Variants in ETS1 observed in about 807,000 individuals in gnomAD.
ETS1 encodes protein C-ets-1.
A neutral mutation model predicts 58.6 loss-of-function variants in ETS1; 15 were observed. The observed-to-expected ratio is 0.26, with a 90% CI of 0.17 to 0.39. ETS1 has a LOEUF of 0.39. Among genes scored for constraint, ETS1 ranks in the 10% least tolerant of loss-of-function variants. ETS1 has a pLI of 1.00. For synonymous variants in ETS1, 214 were observed against 218.2 expected (o/e 0.98, Z 0.17); for missense variants, 417 against 610.5 (o/e 0.68, Z 3.34).
chr11:128,485,470 C>T (rs192193558), intron 6 of ETS1, among the ~76,000 whole-genome samples: 35 of 152,250 alleles, frequency 2.3e-4, no homozygotes, highest in Non-Finnish European at 4.6e-4. Context: ...AAAATAAAAC[C>T]TGTTTCATAT....
At chr11:128,492,727 CA>C (rs1399821360) in intron 3 of ETS1, among the ~76,000 whole-genome samples, 2 of 152,088 alleles carry the variant, frequency 1.3e-5, no homozygotes, top group Non-Finnish European at 2.9e-5. Flanking sequence ...CATCCATCCC[CA>C]CTCTACACCT....
At chr11:128,493,560 G>C (rs907987631) in intron 3 of ETS1, among the ~76,000 whole-genome samples, 2 of 152,232 alleles carry the variant, frequency 1.3e-5, no homozygotes, top group African/African-American at 4.8e-5. Flanking sequence ...TCACATCCCA[G>C]CTGGGGGAAA....
chr11:128,523,852 G>T (rs1401048582), intron 3 of ETS1, among the ~76,000 whole-genome samples: 1 of 152,058 alleles, frequency 6.6e-6, no homozygotes, highest in Non-Finnish European at 1.5e-5. Context: ...GACCCTTCTG[G>T]TCCTGGGAAA....
intron 3 of ETS1, among the ~76,000 whole-genome samples, chr11:128,491,187 G>A (rs1862789511): frequency 6.6e-6 from 1 of 151,870 alleles, no homozygotes; most frequent in Non-Finnish European, 1.5e-5. Context: ...CATACTTTCA[G>A]TTACCTATGA....
intron 3 of ETS1, among the ~76,000 whole-genome samples, chr11:128,552,198 A>G (rs1172604092): frequency 6.6e-6 from 1 of 152,156 alleles, no homozygotes; most frequent in Non-Finnish European, 1.5e-5. Context: ...CACAGTTATA[A>G]CGGAAGAGCT....
chr11:128,523,116 G>T (rs1156353157), intron 3 of ETS1, among the ~76,000 whole-genome samples: 2 of 152,152 alleles, frequency 1.3e-5, no homozygotes, highest in African/African-American at 2.4e-5. Flanking sequence ...CCAAAGCTTT[G>T]TCTTTCCTTT....
intron 8 of ETS1, among the ~76,000 whole-genome samples, chr11:128,465,667 A>T (rs1481612487): frequency 6.6e-6 from 1 of 152,182 alleles, no homozygotes; most frequent in African/African-American, 2.4e-5. Context: ...TTCTATCCCA[A>T]AGCTATGTAA....
chr11:128,480,821 T>C (rs1042537032), intron 7 of ETS1, among the ~76,000 whole-genome samples: 2 of 152,118 alleles, frequency 1.3e-5, no homozygotes, highest in Non-Finnish European at 2.9e-5. Context: ...CTGGCTGATG[T>C]CGTAGGCCCA....
chr11:128,475,171 A>G (rs1426356064), intron 8 of ETS1, among the ~76,000 whole-genome samples: 2 of 152,228 alleles, frequency 1.3e-5, no homozygotes, highest in Non-Finnish European at 2.9e-5. Context: ...CCTTATCACT[A>G]ACTTAGGCTC....
At chr11:128,501,243 T>C (rs1863082088) in intron 3 of ETS1, among the ~76,000 whole-genome samples, 1 of 152,168 alleles carries the variant, frequency 6.6e-6, no homozygotes. Context: ...CAAGCATTCA[T>C]AGGTGAACAT....
chr11:128,491,732 CA>C (rs1215717660), intron 3 of ETS1, among the ~76,000 whole-genome samples: 3 of 152,130 alleles, frequency 2.0e-5, no homozygotes, highest in Non-Finnish European at 2.9e-5. Context: ...GCTTTGACTA[CA>C]AAAGTGGCAA....
intron 4 of ETS1, 93 bp from the exon 5 acceptor site, chr11:128,489,583 G>A: frequency 1.0e-6 from 1 of 960,614 alleles, no homozygotes; most frequent in South Asian, 1.3e-5. Context: ...GAATTTAGCT[G>A]AGAATGCTAT....
Position 128,558,765 on chromosome 11 carries a change from T to C in ETS1, c.70-2330A>G, listed in dbSNP as rs549545792. ...TTTGCTGGAATGTTATTTAATGCTA[T>C]ATGCTCCTGAAGCAGCTACATTAAA... On this transcript the variant is annotated intron_variant, in intron 2 of 9. Coordinates refer to ENST00000392668, the MANE Select transcript of ETS1 (RefSeq NM_001143820.2). Among the ~76,000 whole-genome samples, 212 of 152,208 alleles carry C rather than the reference T, an allele frequency of 1.4e-3. 1 individual carries two copies. The highest frequency in any genetic ancestry group is 0.014 in the Middle Eastern group (4 of 292).
At chr11:128,534,064 T>G (rs1275029123) in intron 3 of ETS1, among the ~76,000 whole-genome samples, 1 of 152,244 alleles carries the variant, frequency 6.6e-6, no homozygotes, top group African/African-American at 2.4e-5. Flanking sequence ...TTTTCTTTGT[T>G]TGAAATTGTC....
chr11:128,501,303 A>G lies in ETS1; in HGVS notation c.215-10727T>C, dbSNP rs186268826. On this transcript the variant is annotated intron_variant, in intron 3 of 9. Coordinates refer to ENST00000392668, the MANE Select transcript of ETS1 (RefSeq NM_001143820.2). ...AACAATGAGATGATCATCTTACTCC[A>G]TAAGCTTTGACTGGTGCAGACTAAG... Among the ~76,000 whole-genome samples the G allele has an allele frequency of 3.3e-5, 5 of 152,316 alleles. No homozygotes were observed. The East Asian group carries it at 5.8e-4, about 18-fold the overall frequency.
At chr11:128,559,474 C>G (rs1864370389) in intron 2 of ETS1, among the ~76,000 whole-genome samples, 1 of 152,160 alleles carries the variant, frequency 6.6e-6, no homozygotes, top group Non-Finnish European at 1.5e-5. Context: ...CAGCTGGGCT[C>G]TTGGTCAACA....
chr11:128,478,482 G>GAAGGAAGT (rs1862395945), intron 8 of ETS1, among the ~76,000 whole-genome samples: 1 of 150,744 alleles, frequency 6.6e-6, no homozygotes, highest in Non-Finnish European at 1.5e-5. Context: ...AGGAAGGAAG[G>GAAGGAAGT]AAGGGCAGAA....
At chr11:128,506,688 C>T (rs1863245292) in intron 3 of ETS1, among the ~76,000 whole-genome samples, 1 of 152,098 alleles carries the variant, frequency 6.6e-6, no homozygotes, top group Non-Finnish European at 1.5e-5. Flanking sequence ...CAGCCACCTC[C>T]GCCACCTGGA....
intron 3 of ETS1, among the ~76,000 whole-genome samples, chr11:128,495,794 G>A (rs914923587): frequency 9.9e-5 from 15 of 152,146 alleles, no homozygotes; most frequent in African/African-American, 2.2e-4. Flanking sequence ...TTTCACATAC[G>A]CCATTAGTGT....
Sources: allele counts gnomAD v4.1 joint callset (sites outside exome capture counted in the v4.1 genomes callset), GRCh38; gene constraint gnomAD v4.1.1; transcripts MANE v1.5; gene names NCBI Gene and HGNC (gene_info 2026-07-23, HGNC 2026-07-21).